The following MDGA2 variants were observed in gnomAD, a reference collection of about 807,000 sequenced individuals.
MDGA2 encodes the protein MAM domain-containing glycosylphosphatidylinositol anchor protein 2.
Under a neutral mutation model 117.8 loss-of-function variants are expected in MDGA2, and 40 were observed. That is an observed-to-expected ratio of 0.34 (90% CI 0.26 to 0.44). MDGA2 has a LOEUF of 0.44. Ranked by LOEUF, MDGA2 falls within the 20% of genes least tolerant of loss-of-function variation. MDGA2 has a pLI of 1.00. For missense variants in MDGA2, 1,123 were observed against 1,250.6 expected (o/e 0.90, Z 1.54); for synonymous variants, 452 against 439.0 (o/e 1.03, Z -0.37).
chr14:47,023,735 T>C (rs187335218), intron 8 of MDGA2, among the ~76,000 whole-genome samples: 233 of 152,304 alleles, frequency 1.5e-3, no homozygotes, highest in Non-Finnish European at 2.6e-3. Context: ...ATACTTTTAA[T>C]TTTAGTCACA....
At chr14:47,149,309 AAAAAAT>A (rs1374849858) in intron 3 of MDGA2, among the ~76,000 whole-genome samples, 1 of 152,114 alleles carries the variant, frequency 6.6e-6, no homozygotes, top group Non-Finnish European at 1.5e-5. Context: ...AACAAAAAAC[AAAAAAT>A]AAGTGTGCCT....
chr14:47,210,765 TC>T (rs1305474985), intron 3 of MDGA2, among the ~76,000 whole-genome samples: 10 of 152,088 alleles, frequency 6.6e-5, no homozygotes, highest in Non-Finnish European at 1.3e-4. Context: ...ACGCCTGTAA[TC>T]CCAACACTTT....
At chr14:47,585,015 T>C (rs1329257532) in intron 1 of MDGA2, among the ~76,000 whole-genome samples, 2 of 152,020 alleles carry the variant, frequency 1.3e-5, no homozygotes, top group East Asian at 3.9e-4. Context: ...TACTTAATGT[T>C]CCTTATAACA....
chr14:47,530,450 A>G (rs1270976211), intron 1 of MDGA2, among the ~76,000 whole-genome samples: 3 of 152,174 alleles, frequency 2.0e-5, no homozygotes, highest in African/African-American at 4.8e-5. Context: ...ACTGATATAC[A>G]CACTATATTG....
At chr14:47,605,019 T>C (rs907755419) in intron 1 of MDGA2, among the ~76,000 whole-genome samples, 1 of 152,086 alleles carries the variant, frequency 6.6e-6, no homozygotes, top group Non-Finnish European at 1.5e-5. Context: ...GGGGGGTGTA[T>C]GCTGTGAACG....
At chr14:47,054,656 T>C (rs1889603529) in intron 7 of MDGA2, among the ~76,000 whole-genome samples, 1 of 151,714 alleles carries the variant, frequency 6.6e-6, no homozygotes. Flanking sequence ...AAAACAGAGA[T>C]ATAGACCAAT....
rs554001264 is a variant in MDGA2, at chr14:47,378,322, C to T, written c.281-76772G>A. ...GCACCTCTTCTTCTCCAAAGGAACG[C>T]AGCTCCTTGCCAGCAATGGAACAAA... On this transcript the variant is annotated intron_variant, in intron 1 of 16. Coordinates refer to ENST00000399232, the MANE Select transcript of MDGA2 (RefSeq NM_001113498.3). Among the ~76,000 whole-genome samples the T allele has an allele frequency of 2.1e-4, 32 of 152,324 alleles. No individual in the cohort carries two copies. The South Asian group carries it at 6.6e-3, about 32-fold the overall frequency.
intron 1 of MDGA2, among the ~76,000 whole-genome samples, chr14:47,621,332 T>C (rs1008805469): frequency 2.2e-4 from 34 of 152,124 alleles, no homozygotes; most frequent in African/African-American, 8.2e-4. Context: ...CCAACCTCCC[T>C]CATCTTTTTT....
chr14:47,153,596 T>C (rs779321172), intron 3 of MDGA2, among the ~76,000 whole-genome samples: 1 of 151,198 alleles, frequency 6.6e-6, no homozygotes, highest in Non-Finnish European at 1.5e-5. Context: ...GTCATCAGTA[T>C]GCTGTGGAGG....
chr14:47,472,519 G>C (rs1950384), intron 1 of MDGA2, among the ~76,000 whole-genome samples: 1 of 151,964 alleles, frequency 6.6e-6, no homozygotes, highest in Non-Finnish European at 1.5e-5. Flanking sequence ...CCACTGTCTC[G>C]TGGGACCACA....
rs1353562541 is a variant in MDGA2, at chr14:47,144,065, C to A, written c.792+13G>T. On this transcript the variant is annotated intron_variant, in intron 4 of 16. Transcript: ENST00000399232. The stretch of plus-strand genomic sequence containing the variant: ...AGCAGAGTAGGGTGGAAATACTGTA[C>A]CTTAATTCATACCTGGGTAAAGAAT... 2.0e-6 allele frequency: 3 copies of A among 1,536,792 alleles called. No homozygotes were observed. In the South Asian group the frequency reaches 3.7e-5, roughly 19 times the overall value.
At chr14:47,478,961 T>C (rs1263086853) in intron 1 of MDGA2, among the ~76,000 whole-genome samples, 1 of 152,166 alleles carries the variant, frequency 6.6e-6, no homozygotes, top group Non-Finnish European at 1.5e-5. Context: ...AATAGTTCCA[T>C]CAAAAGAAAA....
chr14:47,115,547 A>G (rs927446651), intron 5 of MDGA2, among the ~76,000 whole-genome samples: 1 of 151,966 alleles, frequency 6.6e-6, no homozygotes, highest in African/African-American at 2.4e-5. Context: ...TGCCTTCCAC[A>G]TGGTTAATTA....
intron 1 of MDGA2, among the ~76,000 whole-genome samples, chr14:47,614,417 T>C (rs1366457125): frequency 6.6e-6 from 1 of 152,100 alleles, no homozygotes; most frequent in Non-Finnish European, 1.5e-5. Flanking sequence ...ATCAATGATT[T>C]CTCTCAGATG....
intron 2 of MDGA2, among the ~76,000 whole-genome samples, chr14:47,222,233 G>A (rs1206260889): frequency 6.6e-6 from 1 of 151,972 alleles, no homozygotes; most frequent in Non-Finnish European, 1.5e-5. Context: ...AGAAGGCATG[G>A]ATAAAGTTGT....
At chr14:46,857,850 C>A (rs1230114332) in intron 14 of MDGA2, among the ~76,000 whole-genome samples, 1 of 151,862 alleles carries the variant, frequency 6.6e-6, no homozygotes, top group Non-Finnish European at 1.5e-5. Flanking sequence ...TGAATGGGGT[C>A]TCTCCATCTT....
chr14:47,036,645 G>A (rs1346747054), intron 7 of MDGA2, among the ~76,000 whole-genome samples: 2 of 152,196 alleles, frequency 1.3e-5, no homozygotes, highest in African/African-American at 4.8e-5. Flanking sequence ...GTTCCCTTTG[G>A]AAGTAGTACT....
intron 1 of MDGA2, among the ~76,000 whole-genome samples, chr14:47,347,479 A>G (rs531643571): frequency 6.6e-6 from 1 of 152,326 alleles, no homozygotes; most frequent in African/African-American, 2.4e-5. Flanking sequence ...AATGGAAAGA[A>G]TTGGTAACTA....
chr14:47,243,240 TG>T (rs1004030081), intron 2 of MDGA2, among the ~76,000 whole-genome samples: 7 of 151,418 alleles, frequency 4.6e-5, no homozygotes, highest in African/African-American at 1.7e-4. Context: ...CTAACTAATC[TG>T]GTGGGGATGT....
Sources: gnomAD v4.1 joint callset for allele counts (sites outside exome capture counted in the v4.1 genomes callset) on GRCh38, gnomAD v4.1.1 for gene constraint, MANE v1.5 for transcripts, NCBI Gene and HGNC (gene_info 2026-07-23, HGNC 2026-07-21) for gene names.